The following C12orf60 variants were observed in gnomAD, a reference collection of about 807,000 sequenced individuals.
C12orf60 encodes chromosome 12 open reading frame 60.
For synonymous variants in C12orf60, 102 were observed against 94.6 expected, an observed-to-expected ratio of 1.08 and a Z score of -0.45; for missense variants, 284 against 283.2, an observed-to-expected ratio of 1.00 and a Z score of -0.02.
At chr12:14,822,132 G>A (rs1950315835) in intron 1 of C12orf60, among the ~76,000 whole-genome samples, 1 of 140,570 alleles carries the variant, frequency 7.1e-6, no homozygotes, top group Non-Finnish European at 1.5e-5. Context: ...GTGGGGTGGG[G>A]GGGCTACCAT....
intron 1 of C12orf60, among the ~76,000 whole-genome samples, chr12:14,817,838 A>G (rs549655236): frequency 2.0e-5 from 3 of 152,268 alleles, no homozygotes; most frequent in Non-Finnish European, 4.4e-5. Flanking sequence ...TCCTTTGGGT[A>G]TATACCCAAT....
chr12:14,808,004 A>G (rs536319666), intron 1 of C12orf60, among the ~76,000 whole-genome samples: 1 of 152,248 alleles, frequency 6.6e-6, no homozygotes, highest in South Asian at 2.1e-4. Flanking sequence ...CATCTCTACT[A>G]AAAATACAAA....
chr12:14,823,495 C>A lies in C12orf60; in HGVS notation c.560C>A (p.Thr187Asn), dbSNP rs750001975. Residue 187 changes from threonine (T) to asparagine (N), a missense_variant, in exon 2 of 2, where the codon ACC becomes AAC. Transcript: ENST00000330828. ...TCTTCCAAAACCACTATGATAGACA[C>A]CTTGAAAAAACTGCAGGATGTACTA... is the stretch of plus-strand genomic sequence containing the variant. Reference protein sequence around the residue: ...PGSSKTTMIDTLKKLQDVLKT... With the variant: ...PGSSKTTMIDNLKKLQDVLKT... 2 of 1,612,634 alleles carry A rather than the reference C, an allele frequency of 1.2e-6. No individual in the cohort carries two copies. The highest frequency in any genetic ancestry group is 1.7e-6 in the Non-Finnish European group (2 of 1,179,678).
Position 14,823,337 on chromosome 12 carries a change from G to C in C12orf60, c.402G>C (p.Gly134=), listed in dbSNP as rs1302610224. Residue 134 remains glycine (G), a synonymous_variant, in exon 2 of 2, where the codon GGG becomes GGC. Coordinates refer to ENST00000330828, the MANE Select transcript of C12orf60 (RefSeq NM_175874.4). ...ISVLNSSNIL[G]SLESSLSHLM... Reference sequence around the variant, plus strand: ...TGCTAAACAGCAGTAACATCCTTGGGAGTCTGGAATCTTCTCTTTCACACT... The same window carrying C: ...TGCTAAACAGCAGTAACATCCTTGGCAGTCTGGAATCTTCTCTTTCACACT... 3 of 1,614,098 alleles carry C rather than the reference G, an allele frequency of 1.9e-6. No homozygotes were observed. Among genetic ancestry groups the C allele is most frequent in the Non-Finnish European group, 1.7e-6 (2 of 1,180,014 alleles).
intron 1 of C12orf60, among the ~76,000 whole-genome samples, chr12:14,809,996 G>C (rs1281974511): frequency 6.6e-6 from 1 of 152,202 alleles, no homozygotes; most frequent in African/African-American, 2.4e-5. Context: ...TCTTGCTCTT[G>C]CACTTGCGCT....
At chr12:14,817,425 A>G (rs1592239887) in intron 1 of C12orf60, among the ~76,000 whole-genome samples, 2 of 152,308 alleles carry the variant, frequency 1.3e-5, no homozygotes, top group East Asian at 1.9e-4. Flanking sequence ...ACAGGTATAC[A>G]TGTGCCATGG....
At chr12:14,806,932 A>G (rs1209162535) in intron 1 of C12orf60, among the ~76,000 whole-genome samples, 1 of 152,146 alleles carries the variant, frequency 6.6e-6, no homozygotes, top group Non-Finnish European at 1.5e-5. Context: ...CCCAGGCTCT[A>G]GCAATTCTCC....
intron 1 of C12orf60, among the ~76,000 whole-genome samples, chr12:14,811,023 G>C (rs965775397): frequency 6.6e-6 from 1 of 152,130 alleles, no homozygotes; most frequent in Non-Finnish European, 1.5e-5. Flanking sequence ...TTTCATTGAT[G>C]ACCTGTCACT....
At chr12:14,806,668 C>G (rs1592229361) in intron 1 of C12orf60, 5 of 1,579,308 alleles carry the variant, frequency 3.2e-6, no homozygotes, top group Admixed American at 2.0e-5. Flanking sequence ...TAAAGGAAGT[C>G]ACTTTGGGCC....
chr12:14,822,089 C>T (rs1028654528), intron 1 of C12orf60, among the ~76,000 whole-genome samples: 3 of 125,112 alleles, frequency 2.4e-5, no homozygotes, highest in Non-Finnish European at 3.3e-5. Flanking sequence ...TTGGAGCTGC[C>T]TCTGGTCACG....
chr12:14,807,939 G>T (rs1950078891), intron 1 of C12orf60, among the ~76,000 whole-genome samples: 1 of 152,184 alleles, frequency 6.6e-6, no homozygotes, highest in Non-Finnish European at 1.5e-5. Flanking sequence ...GCCCAGGCAG[G>T]TGAATAACTT....
At chr12:14,810,332 T>C (rs1238570105) in intron 1 of C12orf60, among the ~76,000 whole-genome samples, 2 of 152,132 alleles carry the variant, frequency 1.3e-5, no homozygotes, top group Non-Finnish European at 2.9e-5. Context: ...GAGGTGGGGA[T>C]TGAAAGTGAA....
chr12:14,814,061 AT>A (rs1950181639), intron 1 of C12orf60: 2 of 152,196 alleles, frequency 1.3e-5, no homozygotes, highest in South Asian at 2.1e-4. Flanking sequence ...GCTAATTCAA[AT>A]TCCTCCTACT....
intron 1 of C12orf60, among the ~76,000 whole-genome samples, chr12:14,807,935 G>T (rs556944719): frequency 3.9e-5 from 6 of 152,182 alleles, no homozygotes; most frequent in African/African-American, 1.4e-4. Flanking sequence ...GGAGGCCCAG[G>T]CAGGTGAATA....
At chr12:14,821,894 T>C (rs540790502) in intron 1 of C12orf60, among the ~76,000 whole-genome samples, 2 of 148,916 alleles carry the variant, frequency 1.3e-5, no homozygotes, top group East Asian at 4.0e-4. Flanking sequence ...TAGGGTAGAG[T>C]GGGAAGAGTG....
chr12:14,806,286 G>C, intron 1 of C12orf60: 4 of 1,614,234 alleles, frequency 2.5e-6, no homozygotes. Context: ...AAGTTTAACA[G>C]CGACTGCACT....
At chr12:14,813,117 G>A (rs1393357786) in intron 1 of C12orf60, among the ~76,000 whole-genome samples, 5 of 152,086 alleles carry the variant, frequency 3.3e-5, no homozygotes, top group Non-Finnish European at 7.4e-5. Context: ...TGGGTACATG[G>A]GAGTTTATTA....
In C12orf60 at chr12:14,823,077, A is replaced by C; in HGVS notation, c.142A>C (p.Met48Leu). 2 of 1,614,192 alleles carry C rather than the reference A, an allele frequency of 1.2e-6. No individual in the cohort carries two copies. Among genetic ancestry groups the C allele is most frequent in the Non-Finnish European group, 1.7e-6 (2 of 1,180,016 alleles). Residue 48 changes from methionine to leucine, a missense_variant, in exon 2 of 2, where the codon ATG (methionine) becomes CTG (leucine). By Grantham distance (15) the Met-to-Leu change is conservative. Transcript: ENST00000330828. ...SRSMNTQILL[M>L]AVKNNSYIKD... ...CAGTATGAATACTCAAATCCTTTTG[A>C]TGGCTGTGAAAAACAATAGTTACAT...
At chr12:14,809,977 T>A (rs1293504076) in intron 1 of C12orf60, among the ~76,000 whole-genome samples, 1 of 152,234 alleles carries the variant, frequency 6.6e-6, no homozygotes, top group Non-Finnish European at 1.5e-5. Flanking sequence ...TTTTCCTCCT[T>A]TTAAGTAGTC....
Sources: gnomAD v4.1 joint callset for allele counts (sites outside exome capture counted in the v4.1 genomes callset) on GRCh38, gnomAD v4.1.1 for gene constraint, MANE v1.5 for transcripts, NCBI Gene and HGNC (gene_info 2026-07-23, HGNC 2026-07-21) for gene names.